The following RANBP2 variants were observed in gnomAD, a reference collection of about 807,000 sequenced individuals.
The protein encoded by RANBP2 is E3 SUMO-protein ligase RanBP2.
In RANBP2, 57 loss-of-function variants were observed where a neutral mutation model predicts 303.6. The observed-to-expected ratio is 0.19, with a 90% CI of 0.15 to 0.23. RANBP2 has a LOEUF of 0.23. Ranked by LOEUF, RANBP2 falls within the 10% of genes least tolerant of loss-of-function variation. The probability of loss-of-function intolerance (pLI) is 1.00; values close to 1 mark genes in which losing one functional copy is unlikely to be tolerated. For synonymous variants in RANBP2, 1,167 were observed against 1,301.5 expected (o/e 0.90, Z 2.23); for missense variants, 3,138 against 3,780.8 (o/e 0.83, Z 4.46).
the RANBP2 span, among the ~76,000 whole-genome samples, chr2:109,466,915 A>G: frequency 6.6e-6 from 1 of 151,854 alleles, no homozygotes; most frequent in East Asian, 1.9e-4. Flanking sequence ...ATGTGTGTCT[A>G]TATGTGTATG....
chr2:108,965,644 C>T, the RANBP2 span, among the ~76,000 whole-genome samples: 255 of 151,946 alleles, frequency 1.7e-3, 1 homozygote, highest in African/African-American at 6.1e-3. Flanking sequence ...TGTATGCCTC[C>T]TTCCTTCTCA....
At chr2:109,558,110 C>A in the RANBP2 span, among the ~76,000 whole-genome samples, 2 of 152,004 alleles carry the variant, frequency 1.3e-5, no homozygotes, top group Admixed American at 1.3e-4. Flanking sequence ...ATATTTAATG[C>A]CAACATACTA....
chr2:108,782,056 T>C (rs976349583), intron 26 of RANBP2, 72 bp from the exon 27 acceptor site: 1 of 1,556,622 alleles, frequency 6.4e-7, no homozygotes, highest in Non-Finnish European at 8.7e-7. Flanking sequence ...TTAAAAGAAT[T>C]TGGATCTTTG....
chr2:108,764,138 A>G lies in RANBP2; in HGVS notation c.3599A>G (p.Lys1200Arg). Residue 1200 changes from lysine to arginine, a missense_variant, in exon 20 of 29, where the codon AAA (lysine) becomes AGA (arginine). This residue lies in a region of RANBP2 where 403 missense variants were observed against 376.7 expected (regional missense o/e 1.07). Transcript: ENST00000283195. ...GAAGAATTCTTTTGCAACCGCGCGA[A>G]ATTGTTTCGTTTCGATGTAGAATCC... ...DEEEFFCNRA[K>R]LFRFDVESKE... 1 of 1,614,090 alleles carries G rather than the reference A, an allele frequency of 6.2e-7. No individual in the cohort carries two copies. The highest frequency in any genetic ancestry group is 8.5e-7 in the Non-Finnish European group (1 of 1,179,978).
At chr2:109,370,235 C>CTCTT in the RANBP2 span, among the ~76,000 whole-genome samples, 16 of 142,302 alleles carry the variant, frequency 1.1e-4, no homozygotes, top group African/African-American at 3.9e-4. Flanking sequence ...CTGTCTCTCT[C>CTCTT]TCTCTTTTTC....
the RANBP2 span, among the ~76,000 whole-genome samples, chr2:109,639,403 G>A: frequency 6.6e-6 from 1 of 152,072 alleles, no homozygotes. Flanking sequence ...GGCAGATCAA[G>A]AGATCAAGAG....
At chr2:108,911,306 C>A in the RANBP2 span, among the ~76,000 whole-genome samples, 1 of 152,210 alleles carries the variant, frequency 6.6e-6, no homozygotes, top group Non-Finnish European at 1.5e-5. Context: ...CTCCAGACTT[C>A]TCTGGGGTCA....
At chr2:109,210,372 G>GTTT in the RANBP2 span, among the ~76,000 whole-genome samples, 42 of 152,292 alleles carry the variant, frequency 2.8e-4, no homozygotes, top group South Asian at 8.7e-3. Flanking sequence ...AGTCCAAAGC[G>GTTT]GGAAAGCCTG....
the RANBP2 span, among the ~76,000 whole-genome samples, chr2:109,716,777 G>T: frequency 6.6e-6 from 1 of 151,696 alleles, no homozygotes. Context: ...TCAAACTCCT[G>T]GACTCAAGCA....
the RANBP2 span, among the ~76,000 whole-genome samples, chr2:108,809,012 G>C: frequency 6.6e-6 from 1 of 152,006 alleles, no homozygotes; most frequent in Non-Finnish European, 1.5e-5. Flanking sequence ...GGGAGATGGG[G>C]GTCTAGTTTT....
chr2:109,562,772 T>G, the RANBP2 span, among the ~76,000 whole-genome samples: 1 of 152,084 alleles, frequency 6.6e-6, no homozygotes, highest in Non-Finnish European at 1.5e-5. Context: ...TGAGAAACAC[T>G]AGGGAAGCTA....
chr2:109,550,417 A>AT, the RANBP2 span, among the ~76,000 whole-genome samples: 1 of 150,976 alleles, frequency 6.6e-6, no homozygotes, highest in South Asian at 2.1e-4. Flanking sequence ...TGTTCAGGCG[A>AT]TTCTCCTGCC....
At chr2:109,544,124 A>C in the RANBP2 span, 1 of 1,525,080 alleles carries the variant, frequency 6.6e-7, no homozygotes, top group South Asian at 1.2e-5. Flanking sequence ...TTGTAGTATC[A>C]TTCACTCTGG....
the RANBP2 span, among the ~76,000 whole-genome samples, chr2:109,150,783 C>T: frequency 4.6e-5 from 7 of 152,136 alleles, no homozygotes; most frequent in African/African-American, 1.7e-4. Flanking sequence ...AAATCTCACA[C>T]TGTTACCTCC....
the RANBP2 span, among the ~76,000 whole-genome samples, chr2:109,487,903 A>C: frequency 6.7e-6 from 1 of 150,364 alleles, no homozygotes; most frequent in South Asian, 2.1e-4. Context: ...GCAGTGAACA[A>C]AACAAACACG....
the RANBP2 span, among the ~76,000 whole-genome samples, chr2:109,690,920 C>A: frequency 6.6e-6 from 1 of 152,158 alleles, no homozygotes; most frequent in Non-Finnish European, 1.5e-5. Flanking sequence ...TCTTCTCAGC[C>A]TAGTCCTGGC....
the RANBP2 span, among the ~76,000 whole-genome samples, chr2:109,401,056 G>A: frequency 2.0e-5 from 3 of 152,198 alleles, no homozygotes; most frequent in Non-Finnish European, 4.4e-5. Context: ...GTGCACATCT[G>A]GGGGGTAAAG....
At chr2:109,711,977 T>C in the RANBP2 span, among the ~76,000 whole-genome samples, 1 of 152,204 alleles carries the variant, frequency 6.6e-6, no homozygotes, top group Non-Finnish European at 1.5e-5. Context: ...TACAATGCAG[T>C]GCATCCTGCC....
At chr2:108,950,356 T>C in the RANBP2 span, among the ~76,000 whole-genome samples, 1 of 151,976 alleles carries the variant, frequency 6.6e-6, no homozygotes, top group Admixed American at 6.6e-5. Flanking sequence ...GCTCGAATGA[T>C]CCTCCCGCCT....
Sources: allele counts gnomAD v4.1 joint callset (sites outside exome capture counted in the v4.1 genomes callset), GRCh38; gene constraint gnomAD v4.1.1; regional missense constraint gnomAD v4.1.1; transcripts MANE v1.5; gene names NCBI Gene and HGNC (gene_info 2026-07-23, HGNC 2026-07-21).